Variants in STPG2 observed in about 807,000 individuals in gnomAD.
The protein encoded by STPG2 is sperm-tail PG-rich repeat-containing protein 2.
In STPG2, 56 loss-of-function variants were observed where a neutral mutation model predicts 54.2. That is an observed-to-expected ratio of 1.03 (90% CI 0.83 to 1.29). The LOEUF is 1.29. STPG2 is among the 50% of genes most tolerant of loss of function. STPG2 has a pLI of 0.00. For synonymous variants in STPG2, 200 were observed against 181.8 expected, an observed-to-expected ratio of 1.10 and a Z score of -0.81; for missense variants, 596 against 544.9, an observed-to-expected ratio of 1.09 and a Z score of -0.93.
At chr4:97,807,591 A>G (rs965315799) in intron 9 of STPG2, among the ~76,000 whole-genome samples, 3 of 152,028 alleles carry the variant, frequency 2.0e-5, no homozygotes, top group Non-Finnish European at 4.4e-5. Context: ...GAACTGGAAG[A>G]GTAGTTCAAT....
intron 9 of STPG2, among the ~76,000 whole-genome samples, chr4:97,817,619 G>A (rs1276290289): frequency 1.3e-5 from 2 of 151,800 alleles, no homozygotes; most frequent in Admixed American, 1.3e-4. Context: ...TTTAGACATC[G>A]TGAAATGTGC....
At chr4:97,486,367 T>A (rs1275093503) in intron 4 of STPG2, among the ~76,000 whole-genome samples, 2 of 151,546 alleles carry the variant, frequency 1.3e-5, no homozygotes. Flanking sequence ...AGAACATGAA[T>A]AGACAATTCC....
intron 7 of STPG2, among the ~76,000 whole-genome samples, chr4:97,952,527 A>G (rs182010137): frequency 3.5e-4 from 53 of 152,244 alleles, no homozygotes; most frequent in African/African-American, 1.2e-3. Flanking sequence ...CCAGGCCACT[A>G]TGAATGCTGC....
chr4:97,875,305 T>G (rs1730136806), intron 8 of STPG2, among the ~76,000 whole-genome samples: 1 of 151,872 alleles, frequency 6.6e-6, no homozygotes, highest in South Asian at 2.1e-4. Flanking sequence ...TACATAATTG[T>G]CTCTTTATAT....
chr4:97,723,847 C>G (rs1186572215), intron 9 of STPG2, among the ~76,000 whole-genome samples: 1 of 152,170 alleles, frequency 6.6e-6, no homozygotes, highest in East Asian at 1.9e-4. Context: ...TGTGATAACA[C>G]TATCATGAGA....
At chr4:97,693,611 A>C (rs1723452617) in intron 10 of STPG2, among the ~76,000 whole-genome samples, 1 of 152,208 alleles carries the variant, frequency 6.6e-6, no homozygotes. Flanking sequence ...CACTGACAGC[A>C]CTAGACAGGT....
At chr4:97,513,414 T>C (rs1173921666) in intron 4 of STPG2, among the ~76,000 whole-genome samples, 1 of 152,050 alleles carries the variant, frequency 6.6e-6, no homozygotes, top group Non-Finnish European at 1.5e-5. Context: ...TCCCCATGCT[T>C]CCCAGAAGTT....
intron 9 of STPG2, among the ~76,000 whole-genome samples, chr4:97,779,978 T>G (rs1362818259): frequency 6.6e-6 from 1 of 151,198 alleles, no homozygotes; most frequent in Non-Finnish European, 1.5e-5. Flanking sequence ...TGCAAAAACA[T>G]GCCGAACTGT....
intron 10 of STPG2, among the ~76,000 whole-genome samples, chr4:97,600,802 A>T (rs1733438823): frequency 2.0e-5 from 3 of 152,154 alleles, no homozygotes. Context: ...ATTTAGACTT[A>T]GTTTAAAGAG....
In STPG2 at chr4:98,128,476, T is replaced by C. The variant is rs937217830; in HGVS notation, c.339A>G (p.Pro113=). The change falls in exon 3 of 11, where the codon CCA becomes CCG. Residue 113 remains proline (P), a synonymous_variant. Transcript: ENST00000295268. ...NDDGSIIKCF[P]PACDSTLGPA... ...GACCAAGTGTACTGTCACAAGCAGG[T>C]GGAAAACATTTTATAATACTGCCAT... 2 of 1,613,528 alleles carry C rather than the reference T, an allele frequency of 1.2e-6. No individual in the cohort carries two copies. The highest frequency in any genetic ancestry group is 2.2e-5 in the South Asian group (2 of 90,932).
intron 5 of STPG2, among the ~76,000 whole-genome samples, chr4:98,068,907 A>C (rs1737917428): frequency 6.6e-6 from 1 of 152,076 alleles, no homozygotes; most frequent in Non-Finnish European, 1.5e-5. Context: ...AACATACCTA[A>C]ACATAGAAAA....
At chr4:98,025,792 T>C in intron 5 of STPG2, 1 of 1,577,578 alleles carries the variant, frequency 6.3e-7, no homozygotes, top group Non-Finnish European at 8.6e-7. Context: ...AAAGCATTGA[T>C]GGTCCGCCGG....
chr4:97,848,772 CTTGT>C (rs1250000452), intron 8 of STPG2, among the ~76,000 whole-genome samples: 2 of 151,258 alleles, frequency 1.3e-5, no homozygotes, highest in African/African-American at 2.4e-5. Flanking sequence ...TTCCCCATTG[CTTGT>C]TTTTCTCAGG....
chr4:97,681,369 C>T (rs1426692991), intron 10 of STPG2, among the ~76,000 whole-genome samples: 1 of 151,658 alleles, frequency 6.6e-6, no homozygotes, highest in Non-Finnish European at 1.5e-5. Flanking sequence ...AAAACAATAG[C>T]ATTTATGGGA....
At chr4:97,769,629 A>C (rs1578548730) in intron 9 of STPG2, among the ~76,000 whole-genome samples, 1 of 152,160 alleles carries the variant, frequency 6.6e-6, no homozygotes, top group East Asian at 1.9e-4. Context: ...TATTAAAAAA[A>C]TCATCTTCGT....
chr4:97,688,661 A>G (rs970451935), intron 10 of STPG2, among the ~76,000 whole-genome samples: 1 of 152,186 alleles, frequency 6.6e-6, no homozygotes. Flanking sequence ...TCCAATAGGT[A>G]TCAGATTATG....
At chr4:97,761,071 T>C (rs1441928621) in intron 9 of STPG2, among the ~76,000 whole-genome samples, 3 of 152,280 alleles carry the variant, frequency 2.0e-5, no homozygotes, top group Admixed American at 6.5e-5. Flanking sequence ...CTCACTCCAA[T>C]AGTTGAAGAT....
chr4:97,769,478 A>T (rs950239357), intron 9 of STPG2, among the ~76,000 whole-genome samples: 4 of 152,186 alleles, frequency 2.6e-5, no homozygotes, highest in East Asian at 1.9e-4. Context: ...TTTGTTATGT[A>T]GTAAAAGTAA....
chr4:98,087,574 T>C (rs1257397194), intron 5 of STPG2, among the ~76,000 whole-genome samples: 2 of 150,364 alleles, frequency 1.3e-5, no homozygotes, highest in African/African-American at 2.5e-5. Context: ...TTTTTTTTTT[T>C]TTTTGAGACG....
Sources: gnomAD v4.1 joint callset for allele counts (sites outside exome capture counted in the v4.1 genomes callset) on GRCh38, gnomAD v4.1.1 for gene constraint, MANE v1.5 for transcripts, NCBI Gene and HGNC (gene_info 2026-07-23, HGNC 2026-07-21) for gene names.